The following ASB9 variants were observed in gnomAD, a reference collection of about 807,000 sequenced individuals.
ASB9 encodes the protein ankyrin repeat and SOCS box protein 9.
In ASB9, 5 loss-of-function variants were observed where a neutral mutation model predicts 16.6. The ratio of observed to expected loss-of-function variants is 0.30; its 90% CI spans 0.16 to 0.63. The LOEUF is 0.63. ASB9 is among the 30% of genes least tolerant of loss of function. The pLI is 0.82. For missense variants in ASB9, 216 were observed against 229.4 expected (o/e 0.94, Z 0.38); for synonymous variants, 100 against 86.4 (o/e 1.16, Z -0.87).
intron 1 of ASB9, among the ~76,000 whole-genome samples, chrX:15,263,086 T>C (rs901246031): frequency 7.1e-5 from 8 of 112,218 alleles, no homozygotes; most frequent in African/African-American, 2.6e-4. Context: ...TTGTGGAACA[T>C]TTTTTTCATT....
chrX:15,252,327 C>A lies in ASB9; in HGVS notation c.360G>T (p.Leu120Phe), dbSNP rs894545672. Reference sequence around the variant, plus strand: ...GAACGCTGGCTCCGTGCTGCAGAAGCAAATTCACACAATCCCAGCTGCCGC... The same window carrying A: ...GAACGCTGGCTCCGTGCTGCAGAAGAAAATTCACACAATCCCAGCTGCCGC... ...CVSGSWDCVNLLLQHGASVQP... is the reference protein window; with the variant it reads ...CVSGSWDCVNFLLQHGASVQP... The change falls in exon 4 of 7, where the codon TTG becomes TTT. Residue 120 changes from leucine to phenylalanine, a missense_variant. Coordinates refer to ENST00000380488, the MANE Select transcript of ASB9 (RefSeq NM_001031739.3). 1.2e-5 allele frequency: 15 copies of A among 1,211,280 alleles called. No individual in the cohort carries two copies. Among genetic ancestry groups the A allele is most frequent in the Non-Finnish European group, 1.7e-5 (15 of 895,319 alleles).
At position 15,263,873 on chromosome X, in the gene ASB9, T is replaced by G. The variant is rs188820393; in HGVS notation, c.95-4928A>C. Among the ~76,000 whole-genome samples, 7 of 111,958 alleles carry G rather than the reference T, an allele frequency of 6.3e-5. No individual in the cohort carries two copies. In the East Asian group the frequency reaches 2.0e-3, roughly 31 times the overall value. The stretch of plus-strand genomic sequence containing the variant: ...AGTCTTCAGGCAAAACCCCAAAAGA[T>G]AGACACTAACACTGGGAACAGTGAT... On this transcript the variant is annotated intron_variant, in intron 1 of 6. Transcript: ENST00000380488.
intron 1 of ASB9, among the ~76,000 whole-genome samples, chrX:15,266,747 T>A (rs185663411): frequency 2.0e-4 from 22 of 109,753 alleles, no homozygotes; most frequent in Admixed American, 3.9e-4. Context: ...CCATCCTGGC[T>A]AACATGGTGA....
At chrX:15,247,934 A>C (rs533708362) in intron 6 of ASB9, among the ~76,000 whole-genome samples, 2 of 112,505 alleles carry the variant, frequency 1.8e-5, no homozygotes, top group African/African-American at 6.5e-5. Context: ...AGCCAACCTT[A>C]CTGCTCATCA....
chrX:15,265,494 G>T (rs1602162258), intron 1 of ASB9, among the ~76,000 whole-genome samples: 1 of 112,215 alleles, frequency 8.9e-6, no homozygotes, highest in East Asian at 2.8e-4. Flanking sequence ...CGATCCAAAT[G>T]TAAGTTTCAT....
At chrX:15,268,769 G>A (rs1362228183) in intron 1 of ASB9, among the ~76,000 whole-genome samples, 3 of 105,584 alleles carry the variant, frequency 2.8e-5, no homozygotes, top group African/African-American at 1.0e-4. Flanking sequence ...AGTCGAGATC[G>A]CGCCACTGCA....
At chrX:15,245,050 A>G (rs1209018310) in intron 6 of ASB9, among the ~76,000 whole-genome samples, 2 of 112,347 alleles carry the variant, frequency 1.8e-5, no homozygotes, top group Admixed American at 9.4e-5. Context: ...TAAGGTACTC[A>G]AAAATAATGA....
At chrX:15,269,735 A>T in intron 1 of ASB9, 46 bp downstream of exon 1, 1 of 1,123,769 alleles carries the variant, frequency 8.9e-7, no homozygotes, top group Non-Finnish European at 1.2e-6. Context: ...TCCTAAGCAC[A>T]TTAGCCAACC....
chrX:15,260,345 C>G (rs1182167219), intron 1 of ASB9, among the ~76,000 whole-genome samples: 2 of 111,800 alleles, frequency 1.8e-5, no homozygotes, highest in African/African-American at 6.5e-5. Flanking sequence ...TTGCAGTGAG[C>G]CGAGATCATG....
At chrX:15,259,326 CT>C (rs1322491170) in intron 1 of ASB9, among the ~76,000 whole-genome samples, 1 of 112,477 alleles carries the variant, frequency 8.9e-6, no homozygotes, top group African/African-American at 3.2e-5. Flanking sequence ...GTCTAGTTTC[CT>C]GCATGAAATA....
At chrX:15,268,958 G>C (rs1484078615) in intron 1 of ASB9, among the ~76,000 whole-genome samples, 3 of 111,214 alleles carry the variant, frequency 2.7e-5, no homozygotes, top group Non-Finnish European at 5.7e-5. Context: ...GTTGCAGAAA[G>C]TGAGCTGTTG....
At chrX:15,257,073 T>C (rs187887694) in intron 2 of ASB9, among the ~76,000 whole-genome samples, 14 of 110,210 alleles carry the variant, frequency 1.3e-4, no homozygotes, top group African/African-American at 4.0e-4. Context: ...AAACAACCAA[T>C]AGGAAAATGT....
At chrX:15,266,980 T>C (rs1926483713) in intron 1 of ASB9, among the ~76,000 whole-genome samples, 1 of 112,807 alleles carries the variant, frequency 8.9e-6, no homozygotes, top group Non-Finnish European at 1.9e-5. Flanking sequence ...CAGTGAAAAG[T>C]GGCTGGTGCC....
intron 1 of ASB9, among the ~76,000 whole-genome samples, chrX:15,260,877 T>G (rs1239830112): frequency 8.9e-6 from 1 of 111,979 alleles, no homozygotes; most frequent in Non-Finnish European, 1.9e-5. Context: ...CCCTGGAAAA[T>G]CTGTATTAGT....
chrX:15,244,431 T>C lies in ASB9; in HGVS notation c.*75A>G, dbSNP rs768778112. ...CTAGTCAAACTCTATAAATCCAACTTGATTTTAAAATTCTAGTGGCTACAA... is the reference window on the plus strand; with the variant it reads ...CTAGTCAAACTCTATAAATCCAACTCGATTTTAAAATTCTAGTGGCTACAA... On this transcript the variant is annotated 3_prime_UTR_variant, in exon 7 of 7. Transcript: ENST00000380488. The C allele has an allele frequency of 1.8e-6, 2 of 1,082,962 alleles. No homozygotes were observed. Among genetic ancestry groups the C allele is most frequent in the African/African-American group, 3.7e-5 (2 of 54,056 alleles). The allele number at this position is 1,082,962 out of a possible 1,213,427, so 89.2% of individuals were successfully genotyped here.
chrX:15,248,580 C>G, intron 6 of ASB9, 164 bp downstream of exon 6: 1 of 893,754 alleles, frequency 1.1e-6, no homozygotes, highest in Non-Finnish European at 1.5e-6. Flanking sequence ...GTGACCAGTA[C>G]TGTATCTCAT....
chrX:15,247,184 A>G (rs1217167904), intron 6 of ASB9, among the ~76,000 whole-genome samples: 2 of 111,227 alleles, frequency 1.8e-5, no homozygotes, highest in African/African-American at 6.6e-5. Context: ...TCCTGACCCC[A>G]TTTCTTGTGG....
chrX:15,265,753 C>T (rs773612442), intron 1 of ASB9, among the ~76,000 whole-genome samples: 11 of 110,667 alleles, frequency 9.9e-5, no homozygotes, highest in African/African-American at 3.6e-4. Flanking sequence ...TCTCCTGCCT[C>T]GGCCTCCTAA....
chrX:15,253,259 G>A (rs1027679864), intron 3 of ASB9, among the ~76,000 whole-genome samples: 2 of 106,523 alleles, frequency 1.9e-5, no homozygotes, highest in Non-Finnish European at 3.9e-5. Flanking sequence ...AAAGAAAAAC[G>A]TATATAGTCA....
Sources: allele counts gnomAD v4.1 joint callset (sites outside exome capture counted in the v4.1 genomes callset), GRCh38; gene constraint gnomAD v4.1.1; transcripts MANE v1.5; gene names NCBI Gene and HGNC (gene_info 2026-07-23, HGNC 2026-07-21).